ZNF57: variants seen among roughly 807,000 people sequenced by gnomAD.
The protein encoded by ZNF57 is zinc finger protein 57, also known as zinc finger protein 424.
ZNF57 carries 11 observed loss-of-function variants against 13.4 expected under a neutral mutation model. The observed-to-expected ratio is 0.82, with a 90% confidence interval of 0.52 to 1.36. The LOEUF (loss-of-function observed/expected upper bound fraction) is 1.36. Ranked by LOEUF, ZNF57 falls within the 40% of genes most tolerant of loss-of-function variation. The pLI is 0.00. For synonymous variants in ZNF57, 224 were observed against 238.5 expected (o/e 0.94, Z 0.56); for missense variants, 696 against 667.5 (o/e 1.04, Z -0.47).
intron 1 of ZNF57, 143 bp downstream of exon 1, chr19:2,901,191 C>G: frequency 4.2e-6 from 5 of 1,186,744 alleles, no homozygotes; most frequent in Non-Finnish European, 5.6e-6. Flanking sequence ...CCCGGGGACG[C>G]CATCACAGCG....
At chr19:2,916,444 G>C in intron 3 of ZNF57, 195 bp downstream of exon 3, 1 of 498,548 alleles carries the variant, frequency 2.0e-6, no homozygotes, top group East Asian at 3.6e-5. Flanking sequence ...CGGGCGCGAT[G>C]GCTCACGCCT....
At chr19:2,901,628 C>G (rs1386851341) in intron 1 of ZNF57, among the ~76,000 whole-genome samples, 2 of 152,038 alleles carry the variant, frequency 1.3e-5, no homozygotes, top group African/African-American at 4.8e-5. Flanking sequence ...TCAAGCGATT[C>G]TCCTGCCTCA....
intron 1 of ZNF57, among the ~76,000 whole-genome samples, chr19:2,906,045 C>T (rs13344127): frequency 0.029 from 4,425 of 152,136 alleles, 218 homozygotes; most frequent in African/African-American, 0.1. Flanking sequence ...TATAATTGTT[C>T]CATGATGATT....
chr19:2,907,836 T>C (rs1195893363), intron 1 of ZNF57, among the ~76,000 whole-genome samples: 1 of 152,166 alleles, frequency 6.6e-6, no homozygotes, highest in Non-Finnish European at 1.5e-5. Flanking sequence ...GCCTCCCTAG[T>C]AGCTAGGACT....
rs759584442 is a variant in ZNF57, at chr19:2,916,205, A to C, written c.258A>C (p.Lys86Asn). ...GNNSCAYTLE[K>N]NCEGYGTEDH... ...ATTCCTGTGCCTACACTTTAGAAAA[A>C]AATTGTGAAGGCTATGGCACTGAAG... is the stretch of plus-strand genomic sequence containing the variant. Residue 86 changes from lysine (K) to asparagine (N), a missense_variant, in exon 3 of 4, where the codon AAA (lysine) becomes AAC (asparagine). Physicochemically the swap from Lys to Asn is moderately conservative, Grantham distance 94. Transcript: ENST00000306908. 3 of 1,613,752 alleles carry C rather than the reference A, an allele frequency of 1.9e-6. No individual in the cohort carries two copies. The African/African-American group carries it at 4.0e-5, about 22-fold the overall frequency.
chr19:2,914,356 G>A (rs932998367), intron 1 of ZNF57, among the ~76,000 whole-genome samples: 1 of 152,170 alleles, frequency 6.6e-6, no homozygotes, highest in Non-Finnish European at 1.5e-5. Flanking sequence ...CTGGGTTCAA[G>A]TGATTCTCCT....
At chr19:2,901,174 C>T in intron 1 of ZNF57, 126 bp downstream of exon 1, 1 of 1,270,076 alleles carries the variant, frequency 7.9e-7, no homozygotes. Context: ...AGGACTAGCA[C>T]CTGGGACCCG....
chr19:2,907,149 G>C (rs550974488), intron 1 of ZNF57: 1 of 152,296 alleles, frequency 6.6e-6, no homozygotes, highest in South Asian at 2.1e-4. Flanking sequence ...AGATGGGTCA[G>C]AGTAAAACCT....
At chr19:2,907,731 TAA>T (rs2088088578) in intron 1 of ZNF57, among the ~76,000 whole-genome samples, 1 of 152,184 alleles carries the variant, frequency 6.6e-6, no homozygotes, top group Non-Finnish European at 1.5e-5. Context: ...AAAGTCTCAT[TAA>T]GAGAGGATCT....
rs528886496 is a variant in ZNF57 at position 2,918,342 on chromosome 19, G to C, written c.*53G>C. On this transcript the variant is annotated 3_prime_UTR_variant, in exon 4 of 4. Coordinates refer to ENST00000306908, the MANE Select transcript of ZNF57 (RefSeq NM_173480.3). ...AACCTCACATTAATTCATGTATAAT[G>C]CTCCAGAAAATTCACACCAGGAGAG... 4 of 1,511,962 alleles carry C rather than the reference G, an allele frequency of 2.6e-6. No homozygotes were observed. Among genetic ancestry groups the C allele is most frequent in the Non-Finnish European group, 3.5e-6 (4 of 1,131,000 alleles). The allele number at this position is 1,511,962 out of a possible 1,614,324, so 93.7% of individuals were successfully genotyped here. A position where few individuals can be genotyped will look rare whatever the true frequency, so the allele number is the denominator to read the frequency against.
Position 2,917,521 on chromosome 19 carries a change from G to C in ZNF57, c.900G>C (p.Lys300Asn). Residue 300 changes from lysine (K) to asparagine (N), a missense_variant, in exon 4 of 4, where the codon AAG becomes AAC. Physicochemically the swap from Lys to Asn is moderately conservative, Grantham distance 94 (BLOSUM62 0). Coordinates refer to ENST00000306908, the MANE Select transcript of ZNF57 (RefSeq NM_173480.3). ...CCCAGGCTTTTCAAAGACATGAGAA[G>C]ACGCACACGGGAGAGAAGCCCTATG... ...TYPQAFQRHE[K>N]THTGEKPYEC... 1.2e-6 allele frequency: 2 copies of C among 1,613,512 alleles called. No individual in the cohort carries two copies. Among genetic ancestry groups the C allele is most frequent in the East Asian group, 2.2e-5 (1 of 44,854 alleles).
intron 1 of ZNF57, among the ~76,000 whole-genome samples, chr19:2,908,104 A>G (rs979556440): frequency 3.4e-4 from 51 of 152,224 alleles, no homozygotes; most frequent in Non-Finnish European, 7.5e-4. Context: ...ATCAGCTTTT[A>G]AAAATTAATT....
rs2088196353 is a variant in ZNF57 at position 2,916,390 on chromosome 19, A to G, written c.302+141A>G. The G allele has an allele frequency of 2.3e-5, 17 of 743,696 alleles. No individual in the cohort carries two copies. The South Asian group carries it at 3.8e-4, about 17-fold the overall frequency. 46.1% of individuals were successfully genotyped at this position (743,696 alleles called of 1,614,324 possible). On this transcript the variant is annotated intron_variant, in intron 3 of 3. Transcript: ENST00000306908. The stretch of plus-strand genomic sequence containing the variant: ...AAAAAAATTTGTATTTGACTAAGAC[A>G]TTGAGAATTTGAAACATAATTGTTA...
chr19:2,912,097 A>G (rs2088142867), intron 1 of ZNF57: 1 of 152,250 alleles, frequency 6.6e-6, no homozygotes, highest in East Asian at 1.9e-4. Flanking sequence ...AGATGTGGGC[A>G]GAGGGCAAGG....
intron 1 of ZNF57, among the ~76,000 whole-genome samples, chr19:2,906,920 A>G (rs1027664880): frequency 3.3e-5 from 5 of 151,970 alleles, no homozygotes; most frequent in African/African-American, 1.2e-4. Context: ...TGGAGGCCAC[A>G]TGGGAGGACA....
Position 2,918,182 on chromosome 19 carries a change from A to T in ZNF57, c.1561A>T (p.Asn521Tyr), listed in dbSNP as rs2088233153. ...MSFKWHSSFR[N>Y]HLRMHTGQKS... ...CTTCAAGTGGCACTCCTCCTTCCGG[A>T]ACCATCTGAGGATGCACACAGGACA... Residue 521 changes from asparagine (N) to tyrosine (Y), a missense_variant, in exon 4 of 4, where the codon AAC becomes TAC. This residue lies in a region of ZNF57 where 645 missense variants were observed against 591.5 expected (regional missense o/e 1.09). Transcript: ENST00000306908. The T allele has an allele frequency of 6.2e-7, 1 of 1,614,202 alleles. No individual in the cohort carries two copies. The highest frequency in any genetic ancestry group is 8.5e-7 in the Non-Finnish European group (1 of 1,180,052).
At chr19:2,915,726 A>C in intron 2 of ZNF57, 78 bp downstream of exon 2, 2 of 1,607,638 alleles carry the variant, frequency 1.2e-6, no homozygotes, top group Non-Finnish European at 1.7e-6. Flanking sequence ...AAGATGTGAA[A>C]TGTGGGAAAG....
At chr19:2,904,666 C>T (rs894953660) in intron 1 of ZNF57, among the ~76,000 whole-genome samples, 3 of 152,096 alleles carry the variant, frequency 2.0e-5, no homozygotes, top group Admixed American at 6.6e-5. Context: ...CTCAGCCTCC[C>T]GAATAGCTGT....
Position 2,900,930 on chromosome 19 carries a change from C to T in ZNF57, c.-116C>T, listed in dbSNP as rs2088022720. On this transcript the variant is annotated 5_prime_UTR_variant, in exon 1 of 4. Coordinates refer to ENST00000306908, the MANE Select transcript of ZNF57 (RefSeq NM_173480.3). ...CCCCGAGGGCGGGACGTTTCGTCCT[C>T]CCTGCCGCGCGTGCCCTGCCTACCA... 5.8e-6 allele frequency: 8 copies of T among 1,368,328 alleles called. No individual in the cohort carries two copies. The highest frequency in any genetic ancestry group is 1.3e-5 in the South Asian group (1 of 75,550). 84.8% of individuals were successfully genotyped at this position (1,368,328 alleles called of 1,614,324 possible).
Sources: gnomAD v4.1 joint callset for allele counts (sites outside exome capture counted in the v4.1 genomes callset) on GRCh38, gnomAD v4.1.1 for gene constraint, gnomAD v4.1.1 regional missense constraint, MANE v1.5 for transcripts, NCBI Gene and HGNC (gene_info 2026-07-23, HGNC 2026-07-21) for gene names.